Variants in MTA3 observed in about 807,000 individuals in gnomAD.
MTA3 encodes the protein metastasis-associated protein MTA3.
In MTA3, 34 loss-of-function variants were observed where a neutral mutation model predicts 83.5. The observed-to-expected ratio is 0.41, with a 90% confidence interval of 0.31 to 0.54. The LOEUF (loss-of-function observed/expected upper bound fraction) is 0.54. Among genes scored for constraint, MTA3 ranks in the 20% least tolerant of loss-of-function variants. The probability of loss-of-function intolerance (pLI) is 0.33; values close to 1 mark genes in which losing one functional copy is unlikely to be tolerated. For missense variants in MTA3, 761 were observed against 726.4 expected (o/e 1.05, Z -0.55); for synonymous variants, 303 against 252.7 (o/e 1.20, Z -1.89).
At chr2:42,554,852 C>A (rs549936448) in intron 2 of MTA3, among the ~76,000 whole-genome samples, 1 of 152,272 alleles carries the variant, frequency 6.6e-6, no homozygotes, top group Admixed American at 6.5e-5. Context: ...AGGATGGGTT[C>A]ATGGCTGCCT....
intron 14 of MTA3, among the ~76,000 whole-genome samples, chr2:42,715,967 G>A (rs1342446422): frequency 6.6e-6 from 1 of 152,126 alleles, no homozygotes; most frequent in East Asian, 1.9e-4. Flanking sequence ...TGAATTTCAG[G>A]TGAATCAGTA....
chr2:42,755,492 C>A lies in MTA3; in HGVS notation c.*2093C>A, dbSNP rs1001502322. ...GCGCAGCTTGTTCGAGCCACGTGTG[C>A]CAAGCAGGCTTTTCCTTCCTCTTGT... On this transcript the variant is annotated 3_prime_UTR_variant, in exon 17 of 17. Transcript: ENST00000405094. 2 of 985,340 alleles carry A rather than the reference C, an allele frequency of 2.0e-6. No homozygotes were observed. The highest frequency in any genetic ancestry group is 3.5e-5 in the African/African-American group (2 of 57,232). The allele number at this position is 985,340 out of a possible 1,614,324, so 61.0% of individuals were successfully genotyped here.
intron 4 of MTA3, among the ~76,000 whole-genome samples, chr2:42,635,961 T>G (rs1171461978): frequency 1.3e-5 from 2 of 152,124 alleles, no homozygotes; most frequent in Non-Finnish European, 2.9e-5. Context: ...AGATGGAGTT[T>G]CACCATGTTG....
chr2:42,536,062 G>C (rs549619066), intron 2 of MTA3, among the ~76,000 whole-genome samples: 1 of 151,870 alleles, frequency 6.6e-6, no homozygotes, highest in African/African-American at 2.4e-5. Flanking sequence ...CGAGGCTGCA[G>C]TAAGCTATGT....
At chr2:42,591,954 C>CT (rs1681057737) in intron 3 of MTA3, among the ~76,000 whole-genome samples, 1 of 150,786 alleles carries the variant, frequency 6.6e-6, no homozygotes, top group South Asian at 2.2e-4. Context: ...TGGCCTTAAG[C>CT]TTTTTTCCTA....
At chr2:42,708,690 C>T (rs938382779) in intron 13 of MTA3, among the ~76,000 whole-genome samples, 184 bp from the exon 14 acceptor site, 3 of 152,178 alleles carry the variant, frequency 2.0e-5, no homozygotes, top group African/African-American at 7.2e-5. Context: ...CCCTTCTCTA[C>T]TCCCCACCTC....
intron 3 of MTA3, among the ~76,000 whole-genome samples, chr2:42,582,293 C>G (rs1447865622): frequency 6.6e-6 from 1 of 152,058 alleles, no homozygotes; most frequent in Non-Finnish European, 1.5e-5. Flanking sequence ...CTCCTGACCT[C>G]GTGATCTGCC....
intron 11 of MTA3, among the ~76,000 whole-genome samples, chr2:42,698,912 A>G (rs1437896309): frequency 6.6e-6 from 1 of 152,200 alleles, no homozygotes; most frequent in Admixed American, 6.5e-5. Flanking sequence ...CTTCTAAATT[A>G]TATGTTTTAT....
chr2:42,522,599 C>G (rs1675478157), intron 2 of MTA3, among the ~76,000 whole-genome samples: 1 of 151,868 alleles, frequency 6.6e-6, no homozygotes, highest in Non-Finnish European at 1.5e-5. Context: ...AATTCTAGAC[C>G]ATCCTGGGCA....
At chr2:42,539,761 C>T (rs774543719) in intron 2 of MTA3, among the ~76,000 whole-genome samples, 5 of 151,572 alleles carry the variant, frequency 3.3e-5, no homozygotes, top group Admixed American at 1.3e-4. Flanking sequence ...TTTATAGAGA[C>T]GAGGTCTCAC....
At chr2:42,659,060 T>G (rs1689439636) in intron 7 of MTA3, among the ~76,000 whole-genome samples, 1 of 152,006 alleles carries the variant, frequency 6.6e-6, no homozygotes, top group Admixed American at 6.6e-5. Flanking sequence ...ATCATACTAT[T>G]GCGCTCCAGC....
intron 2 of MTA3, among the ~76,000 whole-genome samples, chr2:42,537,456 T>G (rs951922035): frequency 1.3e-5 from 2 of 151,728 alleles, no homozygotes; most frequent in Admixed American, 6.6e-5. Flanking sequence ...TCCCCACTAC[T>G]CGGGAGGCTG....
At chr2:42,644,327 A>G in intron 6 of MTA3, 83 bp downstream of exon 6, 1 of 843,362 alleles carries the variant, frequency 1.2e-6, no homozygotes. Flanking sequence ...TAGAAGAGGC[A>G]ATGTTCAGGG....
intron 16 of MTA3, among the ~76,000 whole-genome samples, chr2:42,724,363 T>C (rs1667665246): frequency 1.4e-5 from 2 of 143,558 alleles, no homozygotes; most frequent in East Asian, 2.2e-4. Context: ...AAGACTGTCG[T>C]TGTGGGCCAG....
At chr2:42,617,039 T>C (rs960547888) in intron 4 of MTA3, among the ~76,000 whole-genome samples, 2 of 152,216 alleles carry the variant, frequency 1.3e-5, no homozygotes, top group African/African-American at 4.8e-5. Context: ...AAAGCTTTTT[T>C]GTATACTCAT....
chr2:42,506,354 T>G (rs1674626842), intron 2 of MTA3, among the ~76,000 whole-genome samples: 2 of 151,970 alleles, frequency 1.3e-5, no homozygotes, highest in African/African-American at 4.8e-5. Context: ...CTCAGAATGC[T>G]GAGGTGGGAG....
At chr2:42,572,005 C>T (rs990340540) in intron 2 of MTA3, among the ~76,000 whole-genome samples, 3 of 151,266 alleles carry the variant, frequency 2.0e-5, no homozygotes, top group African/African-American at 4.9e-5. Flanking sequence ...TGGCTGGGCA[C>T]GGTGGCTCAC....
At chr2:42,703,324 G>A (rs1337513875) in intron 11 of MTA3, 1 of 152,130 alleles carries the variant, frequency 6.6e-6, no homozygotes, top group Non-Finnish European at 1.5e-5. Flanking sequence ...AATTTCAGAT[G>A]TAATCGGAGT....
chr2:42,644,505 G>A (rs1210779662), intron 6 of MTA3, among the ~76,000 whole-genome samples: 2 of 152,242 alleles, frequency 1.3e-5, no homozygotes, highest in African/African-American at 2.4e-5. Context: ...GCTATTATAG[G>A]TGTGGCCTGG....
Sources: allele counts gnomAD v4.1 joint callset (sites outside exome capture counted in the v4.1 genomes callset), GRCh38; gene constraint gnomAD v4.1.1; transcripts MANE v1.5; gene names NCBI Gene and HGNC (gene_info 2026-07-23, HGNC 2026-07-21).